The following CSMD3 variants were observed in gnomAD, a reference collection of about 807,000 sequenced individuals.
The protein encoded by CSMD3 is CUB and Sushi multiple domains 3, also known as CUB and sushi domain-containing protein 3.
In CSMD3, 177 loss-of-function variants were observed where a neutral mutation model predicts 435.2. The observed-to-expected ratio is 0.41, with a 90% CI of 0.36 to 0.46. CSMD3 has a LOEUF of 0.46. Among genes scored for constraint, CSMD3 ranks in the 20% least tolerant of loss-of-function variants. The probability of loss-of-function intolerance (pLI) is 0.34; values close to 1 mark genes in which losing one functional copy is unlikely to be tolerated. For missense variants in CSMD3, 4,265 were observed against 4,504.6 expected, an observed-to-expected ratio of 0.95 and a Z score of 1.52; for synonymous variants, 1,656 against 1,520.5, an observed-to-expected ratio of 1.09 and a Z score of -2.07.
At chr8:112,754,142 A>G (rs552528207) in intron 13 of CSMD3, among the ~76,000 whole-genome samples, 1 of 152,184 alleles carries the variant, frequency 6.6e-6, no homozygotes, top group Non-Finnish European at 1.5e-5. Context: ...TTATGTAACA[A>G]CTGAGGATCC....
intron 3 of CSMD3, among the ~76,000 whole-genome samples, chr8:113,272,229 A>G (rs1202318429): frequency 6.6e-6 from 1 of 152,034 alleles, no homozygotes; most frequent in Non-Finnish European, 1.5e-5. Context: ...GATGCTTGGG[A>G]AGGCAGGATT....
chr8:113,095,106 G>A lies in CSMD3; in HGVS notation c.917+3650C>T, dbSNP rs574812610. ...AAAATCACATATACCCCAAAACTAC[G>A]TGCATCTATTATGTAAAATTCCCTG... On this transcript the variant is annotated intron_variant, in intron 5 of 70. Coordinates refer to ENST00000297405, the MANE Select transcript of CSMD3 (RefSeq NM_198123.2). Among the ~76,000 whole-genome samples the A allele has an allele frequency of 2.6e-5, 4 of 151,306 alleles. No homozygotes were observed. The East Asian group carries it at 5.8e-4, about 22-fold the overall frequency.
At chr8:112,739,344 T>C (rs1262029100) in intron 13 of CSMD3, among the ~76,000 whole-genome samples, 1 of 151,792 alleles carries the variant, frequency 6.6e-6, no homozygotes, top group African/African-American at 2.4e-5. Flanking sequence ...AATCTGCTTT[T>C]CCTTCATCCC....
chr8:113,333,787 T>C (rs2094047051), intron 1 of CSMD3, among the ~76,000 whole-genome samples: 1 of 151,888 alleles, frequency 6.6e-6, no homozygotes, highest in Admixed American at 6.6e-5. Flanking sequence ...TTTAAAATAA[T>C]GTTGTCTACG....
chr8:113,362,233 A>T (rs71528436), intron 1 of CSMD3, among the ~76,000 whole-genome samples: 1 of 152,202 alleles, frequency 6.6e-6, no homozygotes, highest in South Asian at 2.1e-4. Context: ...AATAAACTAT[A>T]ACTCACAGAT....
intron 41 of CSMD3, among the ~76,000 whole-genome samples, chr8:112,343,943 C>T (rs1368045610): frequency 2.0e-5 from 3 of 152,190 alleles, no homozygotes; most frequent in Middle Eastern, 3.4e-3. Context: ...AGTGCAGTGG[C>T]AAGATCTCCG....
At chr8:112,276,937 A>G (rs1281193800) in intron 59 of CSMD3, among the ~76,000 whole-genome samples, 1 of 151,988 alleles carries the variant, frequency 6.6e-6, no homozygotes, top group Middle Eastern at 3.2e-3. Flanking sequence ...TAGACTGCAC[A>G]CAGCAGGAAG....
intron 7 of CSMD3, among the ~76,000 whole-genome samples, chr8:112,956,350 A>C (rs1290750918): frequency 6.6e-6 from 1 of 152,040 alleles, no homozygotes; most frequent in Non-Finnish European, 1.5e-5. Flanking sequence ...ATTCTTCTGA[A>C]GTGTTCAACT....
chr8:112,479,063 T>A (rs1819366599), intron 31 of CSMD3, among the ~76,000 whole-genome samples: 2 of 152,072 alleles, frequency 1.3e-5, no homozygotes, highest in Non-Finnish European at 2.9e-5. Flanking sequence ...GTCCAGAATA[T>A]CCTCCTTCTT....
At chr8:113,375,444 G>A (rs2094375394) in intron 1 of CSMD3, among the ~76,000 whole-genome samples, 1 of 151,746 alleles carries the variant, frequency 6.6e-6, no homozygotes, top group African/African-American at 2.4e-5. Flanking sequence ...CCACTGAAAC[G>A]AGTAGGCAAA....
intron 5 of CSMD3, among the ~76,000 whole-genome samples, chr8:113,094,771 T>C (rs979895): frequency 0.67 from 102,154 of 151,962 alleles, 35,952 homozygotes; most frequent in East Asian, 0.95. Flanking sequence ...TATATAAATG[T>C]ATTCAATTAT....
intron 1 of CSMD3, among the ~76,000 whole-genome samples, chr8:113,318,338 T>C (rs2132691994): frequency 6.6e-6 from 1 of 152,324 alleles, no homozygotes; most frequent in Non-Finnish European, 1.5e-5. Flanking sequence ...AATTTGCAAC[T>C]TGATGCTGTG....
chr8:112,825,282 T>C (rs1249763196), intron 12 of CSMD3, among the ~76,000 whole-genome samples: 5 of 152,192 alleles, frequency 3.3e-5, no homozygotes, highest in African/African-American at 4.8e-5. Context: ...TTGTTATTAC[T>C]CAACATCTGA....
chr8:113,098,966 G>T lies in CSMD3; in HGVS notation c.710-3C>A, dbSNP rs2090247921. ...TGTTCCTCCACAAGCATCTTCAGCTGTTAAAAATGACAAAATATTCAGTTG... is the reference window on the plus strand; with the variant it reads ...TGTTCCTCCACAAGCATCTTCAGCTTTTAAAAATGACAAAATATTCAGTTG... On this transcript the variant is annotated splice_region_variant and splice_polypyrimidine_tract_variant and intron_variant, in intron 4 of 70. Transcript: ENST00000297405. 6.3e-7 allele frequency: 1 copy of T among 1,590,894 alleles called. No homozygotes were observed.
chr8:113,283,881 T>C (rs2093628587), intron 2 of CSMD3, among the ~76,000 whole-genome samples: 1 of 152,166 alleles, frequency 6.6e-6, no homozygotes, highest in African/African-American at 2.4e-5. Context: ...ACACATATCA[T>C]ATATATGATG....
intron 4 of CSMD3, among the ~76,000 whole-genome samples, chr8:113,130,010 A>C (rs922471255): frequency 9.9e-5 from 15 of 151,926 alleles, no homozygotes; most frequent in African/African-American, 3.6e-4. Context: ...ATAATGAATA[A>C]TACTATCATA....
At chr8:112,634,039 T>C (rs1253109700) in intron 22 of CSMD3, among the ~76,000 whole-genome samples, 2 of 152,000 alleles carry the variant, frequency 1.3e-5, no homozygotes, top group African/African-American at 4.8e-5. Flanking sequence ...TTCTATGCAG[T>C]TGGCAATGCT....
At chr8:113,066,561 C>T (rs77519156) in intron 5 of CSMD3, among the ~76,000 whole-genome samples, 3,087 of 152,088 alleles carry the variant, frequency 0.02, 43 homozygotes, top group Non-Finnish European at 0.029. Context: ...TTAACTGTGT[C>T]CCAGATTCCA....
intron 11 of CSMD3, among the ~76,000 whole-genome samples, chr8:112,855,007 T>A (rs1234808348): frequency 6.6e-6 from 1 of 152,170 alleles, no homozygotes. Context: ...TGTGATAAAC[T>A]TGCTAGATAC....
Sources: gnomAD v4.1 joint callset for allele counts (sites outside exome capture counted in the v4.1 genomes callset) on GRCh38, gnomAD v4.1.1 for gene constraint, MANE v1.5 for transcripts, NCBI Gene and HGNC (gene_info 2026-07-23, HGNC 2026-07-21) for gene names.